Variants in CBR4 observed in about 807,000 individuals in gnomAD.
CBR4 encodes the protein carbonyl reductase 4.
In CBR4, 22 loss-of-function variants were observed where a neutral mutation model predicts 21.0. The ratio of observed to expected loss-of-function variants is 1.05; its 90% CI spans 0.75 to 1.50. The LOEUF (loss-of-function observed/expected upper bound fraction) is 1.50. CBR4 is among the 40% of genes most tolerant of loss of function. The probability of loss-of-function intolerance (pLI) is 0.00; values close to 1 mark genes in which losing one functional copy is unlikely to be tolerated. For synonymous variants in CBR4, 100 were observed against 104.4 expected (o/e 0.96, Z 0.26); for missense variants, 302 against 286.3 (o/e 1.05, Z -0.40).
chr4:168,998,172 A>G (rs1276002896), intron 4 of CBR4, among the ~76,000 whole-genome samples: 1 of 152,224 alleles, frequency 6.6e-6, no homozygotes, highest in East Asian at 1.9e-4. Flanking sequence ...TAAACATAAT[A>G]CTATTTGTCA....
intron 2 of CBR4, among the ~76,000 whole-genome samples, chr4:168,912,804 T>C (rs1427335254): frequency 6.6e-6 from 1 of 152,210 alleles, no homozygotes; most frequent in African/African-American, 2.4e-5. Context: ...TGTGAAACAC[T>C]AAAACTTTTT....
intron 2 of CBR4, among the ~76,000 whole-genome samples, chr4:168,930,891 G>A (rs1057105934): frequency 6.6e-6 from 1 of 152,254 alleles, no homozygotes. Flanking sequence ...AGCCACTGTC[G>A]ATTGCACAGC....
intron 2 of CBR4, among the ~76,000 whole-genome samples, chr4:168,912,266 T>C (rs1044021021): frequency 2.0e-5 from 3 of 152,220 alleles, no homozygotes; most frequent in Non-Finnish European, 4.4e-5. Flanking sequence ...TGAGTGTAAG[T>C]GCATGAGGGC....
At chr4:168,938,686 A>G (rs1278099522) in intron 2 of CBR4, among the ~76,000 whole-genome samples, 1 of 152,244 alleles carries the variant, frequency 6.6e-6, no homozygotes, top group East Asian at 1.9e-4. Flanking sequence ...AAAAACCTCT[A>G]TGCAAATAAA....
At chr4:168,903,670 G>A in intron 2 of CBR4, 1 of 1,125,104 alleles carries the variant, frequency 8.9e-7, no homozygotes, top group South Asian at 1.3e-5. Context: ...GATCAGCTCT[G>A]CAAACCACAC....
chr4:168,974,733 T>C (rs1764317065), intron 2 of CBR4, among the ~76,000 whole-genome samples: 1 of 152,184 alleles, frequency 6.6e-6, no homozygotes, highest in African/African-American at 2.4e-5. Flanking sequence ...TCACTAAGTG[T>C]CTGTTTCATT....
At chr4:168,985,117 C>T (rs537560480), downstream of CBR4, among the ~76,000 whole-genome samples, 11 of 152,236 alleles carry the variant, frequency 7.2e-5, no homozygotes, top group Non-Finnish European at 1.3e-4. Flanking sequence ...AGACAACCTA[C>T]AAAATGGGAG....
chr4:168,924,675 C>A (rs1348187797), intron 2 of CBR4, among the ~76,000 whole-genome samples: 1 of 152,116 alleles, frequency 6.6e-6, no homozygotes, highest in African/African-American at 2.4e-5. Context: ...AAGATGAATT[C>A]ATTTGCTTTA....
intron 2 of CBR4, chr4:168,904,253 T>C (rs1393742881): frequency 7.4e-6 from 2 of 268,950 alleles, no homozygotes; most frequent in Non-Finnish European, 1.5e-5. Flanking sequence ...TAGGATTACA[T>C]GAAGAAAATA....
At chr4:168,924,793 A>T in intron 2 of CBR4, 1 of 752,296 alleles carries the variant, frequency 1.3e-6, no homozygotes, top group Non-Finnish European at 2.2e-6. Context: ...CATTAACTTT[A>T]ATGGAGCTAG....
At chr4:168,919,044 G>A (rs998068544) in intron 2 of CBR4, among the ~76,000 whole-genome samples, 1 of 151,692 alleles carries the variant, frequency 6.6e-6, no homozygotes, top group Non-Finnish European at 1.5e-5. Flanking sequence ...CTAAATGATG[G>A]GTATATACAC....
chr4:168,903,327 A>G lies in CBR4; in HGVS notation n.170-8562T>C, dbSNP rs185677418. On this transcript the variant is annotated intron_variant and non_coding_transcript_variant, in intron 2 of 3. Coordinates refer to the CBR4 transcript ENST00000509108. The stretch of plus-strand genomic sequence containing the variant: ...GGGGTCTGCTTTTGTTCTCCAAAAC[A>G]ACCTTTTTACCTTTATTTTATAAAC... 3.5e-3 allele frequency among the ~76,000 whole-genome samples: 530 copies of G among 152,300 alleles called. 22 individuals are homozygous for G. The highest frequency in any genetic ancestry group is 0.032 in the Admixed American group (497 of 15,298).
At chr4:168,966,356 CAAAAAAA>C (rs1215042926) in intron 2 of CBR4, among the ~76,000 whole-genome samples, 1 of 75,182 alleles carries the variant, frequency 1.3e-5, no homozygotes, top group African/African-American at 5.5e-5. Context: ...ACTAAAAATA[CAAAAAAA>C]AAAAAAAAAA....
chr4:168,905,145 T>G (rs6553271), intron 2 of CBR4, among the ~76,000 whole-genome samples: 24,284 of 32,984 alleles, frequency 0.74, 9,152 homozygotes, highest in Middle Eastern at 0.82. Flanking sequence ...TTGGTTTTTT[T>G]TTTTTTTTTT....
chr4:169,009,416 C>T (rs181988121), intron 1 of CBR4, among the ~76,000 whole-genome samples: 12 of 152,350 alleles, frequency 7.9e-5, no homozygotes, highest in African/African-American at 2.6e-4. Flanking sequence ...CTGGCTGGTA[C>T]TCAAAAGGGT....
intron 2 of CBR4, among the ~76,000 whole-genome samples, chr4:168,977,929 AGGTAATGGGT>A (rs754625132): frequency 6.6e-6 from 1 of 151,658 alleles, no homozygotes; most frequent in Non-Finnish European, 1.5e-5. Flanking sequence ...CTCTCACATG[AGGTAATGGGT>A]ACTACAAACA....
At chr4:168,958,180 C>G (rs1247666698) in intron 2 of CBR4, among the ~76,000 whole-genome samples, 1 of 151,970 alleles carries the variant, frequency 6.6e-6, no homozygotes, top group Non-Finnish European at 1.5e-5. Context: ...AGGAGAATTG[C>G]TTGAACCCAA....
chr4:168,968,667 A>G (rs1764114205), intron 2 of CBR4, among the ~76,000 whole-genome samples: 1 of 152,234 alleles, frequency 6.6e-6, no homozygotes, highest in Non-Finnish European at 1.5e-5. Context: ...CACCTAGCAC[A>G]TTCCATCAGT....
intron 2 of CBR4, among the ~76,000 whole-genome samples, chr4:168,899,945 G>A (rs901238081): frequency 1.3e-5 from 2 of 151,890 alleles, no homozygotes; most frequent in Non-Finnish European, 2.9e-5. Context: ...AAGAAAATAG[G>A]CTTTACTGGC....
Sources: gnomAD v4.1 joint callset for allele counts (sites outside exome capture counted in the v4.1 genomes callset) on GRCh38, gnomAD v4.1.1 for gene constraint, MANE v1.5 for transcripts, NCBI Gene and HGNC (gene_info 2026-07-23, HGNC 2026-07-21) for gene names.